The following ARL17A variants were observed in gnomAD, a reference collection of about 807,000 sequenced individuals.
ARL17A encodes ADP-ribosylation factor-like 17-like.
At chr17:46,572,914 CAG>C (rs1221660651) in intron 2 of ARL17A, among the ~76,000 whole-genome samples, 7 of 77,166 alleles carry the variant, frequency 9.1e-5, no homozygotes, top group South Asian at 4.9e-4. Context: ...AAGAGAGAGA[CAG>C]AGAGAGAGAG....
downstream of ARL17A, among the ~76,000 whole-genome samples, chr17:46,516,281 C>T (rs2667810): frequency 7.6e-5 from 9 of 117,818 alleles, no homozygotes; most frequent in South Asian, 2.6e-4. Context: ...CCAGCCTGGG[C>T]GACAGAGCAA....
At chr17:46,502,315 T>G in the ARL17A span, among the ~76,000 whole-genome samples, 1 of 151,080 alleles carries the variant, frequency 6.6e-6, no homozygotes, top group African/African-American at 2.5e-5. Context: ...GTCCTTTTAT[T>G]TTTTGTTTTT....
Position 46,552,825 on chromosome 17 carries a change from A to C in ARL17A, c.*4531T>G, listed in dbSNP as rs1253986864. 2.1e-5 allele frequency: 3 copies of C among 140,950 alleles called. No individual in the cohort carries two copies. The highest frequency in any genetic ancestry group is 9.2e-5 in the African/African-American group (3 of 32,786). The allele number at this position is 140,950 out of a possible 1,614,324, so 8.7% of individuals were successfully genotyped here. ...TACATGGGGCCAGGCATGGTGGCTC[A>C]CACTTGTAATCCCAACACATTGGGA... is the stretch of plus-strand genomic sequence containing the variant. On this transcript the variant is annotated 3_prime_UTR_variant, in exon 4 of 4. Transcript: ENST00000336125.
intron 4 of ARL17A, among the ~76,000 whole-genome samples, chr17:46,530,413 A>G (rs2053517094): frequency 6.9e-6 from 1 of 145,024 alleles, no homozygotes; most frequent in East Asian, 2.0e-4. Flanking sequence ...TATTAGTGTT[A>G]CAAAACAAGT....
chr17:46,516,298 A>G, downstream of ARL17A, among the ~76,000 whole-genome samples: 1 of 77,698 alleles, frequency 1.3e-5, no homozygotes, highest in African/African-American at 3.9e-5. Flanking sequence ...GCAAGACTCC[A>G]TCTCAAAAAA....
chr17:46,516,188 A>C (rs1337960583), downstream of ARL17A, among the ~76,000 whole-genome samples: 7 of 149,362 alleles, frequency 4.7e-5, no homozygotes, highest in Admixed American at 4.7e-4. Flanking sequence ...CTGGAGTCCC[A>C]GCTACTCGGG....
At chr17:46,525,616 T>TA (rs2052626221), downstream of ARL17A, among the ~76,000 whole-genome samples, 3 of 88,068 alleles carry the variant, frequency 3.4e-5, no homozygotes, top group East Asian at 7.4e-4. Flanking sequence ...ATAATAATAA[T>TA]CATCATCATC....
chr17:46,501,985 C>T, the ARL17A span, among the ~76,000 whole-genome samples: 13 of 151,318 alleles, frequency 8.6e-5, no homozygotes, highest in South Asian at 2.1e-4. Context: ...AACTTTTGGA[C>T]GATGATGTGT....
At chr17:46,539,066 CAG>C (rs1480095783) in intron 3 of ARL17A, among the ~76,000 whole-genome samples, 3 of 53,640 alleles carry the variant, frequency 5.6e-5, no homozygotes, top group Non-Finnish European at 4.4e-5. Flanking sequence ...ACGGGGATGA[CAG>C]GGCATGGTGG....
At chr17:46,525,446 G>A (rs58694652), downstream of ARL17A, among the ~76,000 whole-genome samples, 6,427 of 110,520 alleles carry the variant, frequency 0.058, 591 homozygotes, top group East Asian at 0.38. Flanking sequence ...AATTAGCTGG[G>A]CATGGTGGCA....
chr17:46,501,279 G>A, the ARL17A span, among the ~76,000 whole-genome samples: 3 of 151,004 alleles, frequency 2.0e-5, no homozygotes, highest in African/African-American at 5.0e-5. Flanking sequence ...GGGTTCACGC[G>A]ATTCTCCTGC....
chr17:46,543,751 T>C (rs1209176200), intron 3 of ARL17A, among the ~76,000 whole-genome samples: 1 of 150,954 alleles, frequency 6.6e-6, no homozygotes, highest in Non-Finnish European at 1.5e-5. Context: ...CATTATACCA[T>C]TTGAAAATGT....
chr17:46,569,270 A>G (rs1353544763), intron 3 of ARL17A, among the ~76,000 whole-genome samples: 14 of 151,022 alleles, frequency 9.3e-5, no homozygotes, highest in Admixed American at 3.3e-4. Context: ...ATACAACTGG[A>G]GAAATTAGAA....
At chr17:46,558,315 C>T (rs1272788011) in intron 3 of ARL17A, among the ~76,000 whole-genome samples, 2 of 110,096 alleles carry the variant, frequency 1.8e-5, no homozygotes, top group Non-Finnish European at 3.6e-5. Flanking sequence ...CCGCCCTGGC[C>T]TCCCAAAGGG....
intron 4 of ARL17A, among the ~76,000 whole-genome samples, chr17:46,531,961 AT>A (rs1349768192): frequency 1.4e-5 from 2 of 145,650 alleles, no homozygotes; most frequent in African/African-American, 5.4e-5. Context: ...GGTATTTGAC[AT>A]ATTTTGCATC....
At chr17:46,547,179 T>A (rs1166929603) in intron 3 of ARL17A, 3 of 64,386 alleles carry the variant, frequency 4.7e-5, no homozygotes, top group Non-Finnish European at 9.8e-5. Flanking sequence ...TTTTTTTTTT[T>A]ACCAATTATG....
intron 3 of ARL17A, among the ~76,000 whole-genome samples, chr17:46,545,613 CTT>C: frequency 7.9e-6 from 1 of 127,004 alleles, no homozygotes; most frequent in Non-Finnish European, 1.6e-5. Flanking sequence ...CAAAGTGACA[CTT>C]TTAAAAATTC....
At chr17:46,532,245 A>T (rs1318553624) in intron 4 of ARL17A, among the ~76,000 whole-genome samples, 1 of 148,768 alleles carries the variant, frequency 6.7e-6, no homozygotes, top group Non-Finnish European at 1.5e-5. Context: ...TTGTAGTGAA[A>T]CCATAGATCA....
chr17:46,535,300 TTC>T (rs1426773655), intron 4 of ARL17A, among the ~76,000 whole-genome samples: 1 of 143,632 alleles, frequency 7.0e-6, no homozygotes, highest in Admixed American at 6.8e-5. Flanking sequence ...TGTCTTTGGC[TTC>T]TGTCAGTTTG....
Sources: allele counts gnomAD v4.1 joint callset (sites outside exome capture counted in the v4.1 genomes callset), GRCh38; gene constraint gnomAD v4.1.1; transcripts MANE v1.5; gene names NCBI Gene and HGNC (gene_info 2026-07-23, HGNC 2026-07-21).